Variants in DLGAP2 observed in about 807,000 individuals in gnomAD.
The protein encoded by DLGAP2 is disks large-associated protein 2.
A neutral mutation model predicts 100.3 loss-of-function variants in DLGAP2; 26 were observed. The ratio of observed to expected loss-of-function variants is 0.26; its 90% CI spans 0.19 to 0.36. The LOEUF (loss-of-function observed/expected upper bound fraction) is 0.36. Ranked by LOEUF, DLGAP2 falls within the 10% of genes least tolerant of loss-of-function variation. The pLI is 1.00. For synonymous variants in DLGAP2, 886 were observed against 630.1 expected (o/e 1.41, Z -6.08); for missense variants, 1,858 against 1,453.2 (o/e 1.28, Z -4.53).
chr8:1,410,941 T>C (rs2404294), intron 3 of DLGAP2, among the ~76,000 whole-genome samples: 41,481 of 151,876 alleles, frequency 0.27, 5,852 homozygotes, highest in Middle Eastern at 0.35. Context: ...ATTTAAGAGA[T>C]TGTAATCATT....
rs112060936 is a variant in DLGAP2 at position 1,098,839 on chromosome 8, T to C, written c.74-160012T>C. ...CAGGCTCCCGGCCGCGCACGGACGCTGCGACGCACACCAGGGTCCCGGTAG... is the reference window on the plus strand; with the variant it reads ...CAGGCTCCCGGCCGCGCACGGACGCCGCGACGCACACCAGGGTCCCGGTAG... On this transcript the variant is annotated intron_variant, in intron 2 of 14. Coordinates refer to ENST00000637795, the MANE Select transcript of DLGAP2 (RefSeq NM_001346810.2). Among the ~76,000 whole-genome samples, 834 of 150,304 alleles carry C rather than the reference T, an allele frequency of 5.5e-3. 11 individuals carry two copies. The highest frequency in any genetic ancestry group is 0.019 in the African/African-American group (785 of 40,844).
intron 2 of DLGAP2, among the ~76,000 whole-genome samples, chr8:1,023,391 T>G (rs1563149808): frequency 6.6e-6 from 1 of 152,082 alleles, no homozygotes; most frequent in African/African-American, 2.4e-5. Flanking sequence ...GATGAGGTCT[T>G]ATGATGTTCC....
chr8:1,466,665 C>G (rs1274309890), intron 3 of DLGAP2, among the ~76,000 whole-genome samples: 1 of 152,142 alleles, frequency 6.6e-6, no homozygotes, highest in Non-Finnish European at 1.5e-5. Flanking sequence ...AGAGCTGCTG[C>G]TATTTCTGCT....
At chr8:1,091,066 C>G (rs2129041510) in intron 2 of DLGAP2, among the ~76,000 whole-genome samples, 1 of 152,232 alleles carries the variant, frequency 6.6e-6, no homozygotes, top group South Asian at 2.1e-4. Context: ...GCAGTCTTGC[C>G]CCGTCTGCGC....
Position 1,548,939 on chromosome 8 carries a change from G to C in DLGAP2, c.486G>C (p.Pro162=). The C allele has an allele frequency of 6.3e-7, 1 of 1,598,630 alleles. No homozygotes were observed. The highest frequency in any genetic ancestry group is 8.5e-7 in the Non-Finnish European group (1 of 1,179,314). Residue 162 remains proline, a synonymous_variant, in exon 5 of 15, where the codon CCG becomes CCC. Transcript: ENST00000637795. ...LGDHVSSSTF[P]RMHYSSHYDT... ...ACCACGTGTCCAGCAGCACCTTCCC[G>C]CGGATGCACTACAGCTCGCACTACG...
At chr8:1,266,058 CAG>C (rs767678506) in intron 3 of DLGAP2, among the ~76,000 whole-genome samples, 1 of 152,164 alleles carries the variant, frequency 6.6e-6, no homozygotes, top group Non-Finnish European at 1.5e-5. Context: ...AAAATTATGA[CAG>C]GGGACACCCT....
At chr8:1,149,291 A>G (rs151066823) in intron 2 of DLGAP2, among the ~76,000 whole-genome samples, 2,900 of 152,082 alleles carry the variant, frequency 0.019, 104 homozygotes, top group African/African-American at 0.066. Flanking sequence ...GACTACAGGC[A>G]CCCGCCACCG....
chr8:967,150 G>A (rs900516995), intron 2 of DLGAP2, among the ~76,000 whole-genome samples: 5 of 152,192 alleles, frequency 3.3e-5, no homozygotes, highest in Admixed American at 6.5e-5. Context: ...CTGGGCCATC[G>A]CTGACATTCG....
chr8:1,125,353 T>A (rs1489242347), intron 2 of DLGAP2, among the ~76,000 whole-genome samples: 1 of 152,222 alleles, frequency 6.6e-6, no homozygotes, highest in East Asian at 1.9e-4. Flanking sequence ...TACCTGGATC[T>A]TGATCAAATT....
intron 2 of DLGAP2, among the ~76,000 whole-genome samples, chr8:1,124,402 C>G (rs1000715647): frequency 1.3e-5 from 2 of 152,148 alleles, no homozygotes; most frequent in African/African-American, 2.4e-5. Flanking sequence ...ACGTTGCTGC[C>G]AAGGGCTTCT....
chr8:1,056,803 C>A (rs933784385), intron 2 of DLGAP2, among the ~76,000 whole-genome samples: 2 of 152,228 alleles, frequency 1.3e-5, no homozygotes, highest in African/African-American at 4.8e-5. Flanking sequence ...CCAGCACTTA[C>A]ATCAGACCAG....
At chr8:1,028,136 C>T (rs866011034) in intron 2 of DLGAP2, among the ~76,000 whole-genome samples, 36 of 131,884 alleles carry the variant, frequency 2.7e-4, no homozygotes, top group Middle Eastern at 0.013. Context: ...GGGTGTCACG[C>T]GCCCGTTATT....
intron 1 of DLGAP2, among the ~76,000 whole-genome samples, chr8:871,221 G>C (rs1205951459): frequency 1.3e-5 from 2 of 152,132 alleles, no homozygotes; most frequent in East Asian, 3.9e-4. Context: ...CCCGGTCCAG[G>C]GTCCCCCGTG....
intron 3 of DLGAP2, among the ~76,000 whole-genome samples, chr8:1,324,653 G>C (rs901857900): frequency 6.6e-6 from 1 of 152,162 alleles, no homozygotes; most frequent in Non-Finnish European, 1.5e-5. Flanking sequence ...CTTTGGACTG[G>C]AATTGATTCC....
intron 2 of DLGAP2, among the ~76,000 whole-genome samples, chr8:1,031,636 T>G (rs1487395816): frequency 6.6e-6 from 1 of 152,150 alleles, no homozygotes; most frequent in East Asian, 1.9e-4. Flanking sequence ...GTTGTGAAAC[T>G]TCTTGCACTT....
intron 2 of DLGAP2, among the ~76,000 whole-genome samples, chr8:972,132 C>A (rs1457570211): frequency 6.6e-6 from 1 of 152,190 alleles, no homozygotes. Context: ...ACCTCTTAAA[C>A]CTACATCTAT....
At position 1,176,629 on chromosome 8, in the gene DLGAP2, C is replaced by T. The variant is rs187269878; in HGVS notation, c.74-82222C>T. Among the ~76,000 whole-genome samples the T allele has an allele frequency of 1.8e-3, 268 of 152,080 alleles. No individual in the cohort carries two copies. The East Asian group carries it at 0.023, about 13-fold the overall frequency. Reference sequence around the variant, plus strand: ...GGGTCGTGTTTCCTTGTGGGGTTGACGGGGAAGAAGTTGGAGGCTGGGCGA... The same window carrying T: ...GGGTCGTGTTTCCTTGTGGGGTTGATGGGGAAGAAGTTGGAGGCTGGGCGA... On this transcript the variant is annotated intron_variant, in intron 2 of 14. Coordinates refer to ENST00000637795, the MANE Select transcript of DLGAP2 (RefSeq NM_001346810.2).
At chr8:1,119,192 C>A (rs1454567742) in intron 2 of DLGAP2, among the ~76,000 whole-genome samples, 1 of 152,230 alleles carries the variant, frequency 6.6e-6, no homozygotes, top group Non-Finnish European at 1.5e-5. Context: ...CCTTCCCGCA[C>A]TTAAGGCATG....
At chr8:797,301 A>T (rs756462268) in intron 1 of DLGAP2, among the ~76,000 whole-genome samples, 1 of 152,236 alleles carries the variant, frequency 6.6e-6, no homozygotes, top group Non-Finnish European at 1.5e-5. Context: ...AAATGGATTC[A>T]TAGAGTATGT....
Sources: gnomAD v4.1 joint callset for allele counts (sites outside exome capture counted in the v4.1 genomes callset) on GRCh38, gnomAD v4.1.1 for gene constraint, MANE v1.5 for transcripts, NCBI Gene and HGNC (gene_info 2026-07-23, HGNC 2026-07-21) for gene names.